ERBB4: variants seen among roughly 807,000 people sequenced by gnomAD.
ERBB4 encodes erb-b2 receptor tyrosine kinase 4, also known as receptor tyrosine-protein kinase erbB-4.
Under a neutral mutation model 158.0 loss-of-function variants are expected in ERBB4, and 42 were observed. The observed-to-expected ratio is 0.27, with a 90% CI of 0.21 to 0.34. The LOEUF is 0.34. Ranked by LOEUF, ERBB4 falls within the 10% of genes least tolerant of loss-of-function variation. The probability of loss-of-function intolerance (pLI) is 1.00; values close to 1 mark genes in which losing one functional copy is unlikely to be tolerated. For synonymous variants in ERBB4, 583 were observed against 558.7 expected (o/e 1.04, Z -0.61); for missense variants, 1,333 against 1,624.1 (o/e 0.82, Z 3.08).
At chr2:211,569,690 G>C (rs2067656768) in intron 19 of ERBB4, among the ~76,000 whole-genome samples, 1 of 152,142 alleles carries the variant, frequency 6.6e-6, no homozygotes, top group East Asian at 1.9e-4. Flanking sequence ...CATGACCTAA[G>C]AGTCTGGCAT....
intron 16 of ERBB4, among the ~76,000 whole-genome samples, chr2:211,645,536 C>T (rs2070755238): frequency 6.6e-6 from 1 of 151,612 alleles, no homozygotes; most frequent in Non-Finnish European, 1.5e-5. Context: ...AATCAACAGA[C>T]TTTGGAAAAG....
At chr2:212,418,251 A>G (rs1469140512) in intron 1 of ERBB4, among the ~76,000 whole-genome samples, 1 of 151,980 alleles carries the variant, frequency 6.6e-6, no homozygotes, top group Non-Finnish European at 1.5e-5. Flanking sequence ...CTAAGTAAAA[A>G]TATCAATGGT....
chr2:211,717,751 C>T (rs975258293), intron 7 of ERBB4, among the ~76,000 whole-genome samples: 16 of 151,974 alleles, frequency 1.1e-4, no homozygotes, highest in African/African-American at 3.1e-4. Context: ...CGCTTGAACC[C>T]GGGAGGCGGA....
At chr2:211,635,423 G>C (rs1224717396) in intron 16 of ERBB4, among the ~76,000 whole-genome samples, 2 of 152,110 alleles carry the variant, frequency 1.3e-5, no homozygotes, top group East Asian at 3.8e-4. Flanking sequence ...TTTTATAAAA[G>C]AGCAGCATCT....
chr2:211,585,073 C>T lies in ERBB4; in HGVS notation c.2302-22985G>A, dbSNP rs540925003. On this transcript the variant is annotated intron_variant, in intron 19 of 27. Transcript: ENST00000342788. ...TAATAAAAAGACTTCCTTAGGCTGG[C>T]CGGGCGCAGTGGCTCATGCCTGTAA... Among the ~76,000 whole-genome samples the T allele has an allele frequency of 2.7e-4, 41 of 152,096 alleles. No homozygotes were observed. The South Asian group carries it at 4.4e-3, about 16-fold the overall frequency.
At chr2:211,565,935 G>A (rs188221665) in intron 19 of ERBB4, among the ~76,000 whole-genome samples, 2 of 152,274 alleles carry the variant, frequency 1.3e-5, no homozygotes, top group East Asian at 3.9e-4. Flanking sequence ...AAGTAAAAAA[G>A]ATACTTCAAT....
At chr2:211,622,697 G>T (rs1398394273) in intron 18 of ERBB4, among the ~76,000 whole-genome samples, 1 of 151,620 alleles carries the variant, frequency 6.6e-6, no homozygotes. Flanking sequence ...CGGGCATGGT[G>T]GCTCATGCCT....
rs181650918 is a variant in ERBB4, at chr2:212,523,768, C to G, written c.82+14681G>C. Among the ~76,000 whole-genome samples, 260 of 152,044 alleles carry G rather than the reference C, an allele frequency of 1.7e-3. 2 individuals are homozygous for G. Among genetic ancestry groups the G allele is most frequent in the Non-Finnish European group, 5.2e-4 (35 of 67,912 alleles). ...AAATCACAGAACTCAATCCTCACCC[C>G]CAACATTGTGGACCAGTTGTTCCTC... On this transcript the variant is annotated intron_variant, in intron 1 of 27. Coordinates refer to ENST00000342788, the MANE Select transcript of ERBB4 (RefSeq NM_005235.3).
chr2:211,396,062 T>G (rs2062909707), intron 25 of ERBB4, among the ~76,000 whole-genome samples: 1 of 152,032 alleles, frequency 6.6e-6, no homozygotes, highest in Non-Finnish European at 1.5e-5. Context: ...TGCCATAACT[T>G]TAGAATTTGA....
intron 17 of ERBB4, among the ~76,000 whole-genome samples, chr2:211,629,450 T>A (rs1320590568): frequency 6.6e-6 from 1 of 152,012 alleles, no homozygotes; most frequent in African/African-American, 2.4e-5. Flanking sequence ...AGAATCAATA[T>A]CGTGAAAATG....
chr2:212,413,031 G>C (rs1309155019), intron 1 of ERBB4, among the ~76,000 whole-genome samples: 1 of 150,968 alleles, frequency 6.6e-6, no homozygotes, highest in African/African-American at 2.4e-5. Flanking sequence ...GCAGTGGTGC[G>C]ATCTCGGCTC....
At chr2:212,003,249 GAAGGAAGGAAAGAGAGAGA>G in intron 2 of ERBB4, among the ~76,000 whole-genome samples, 1 of 116,972 alleles carries the variant, frequency 8.5e-6, no homozygotes. Flanking sequence ...AGGAAGGAAG[GAAGGAAGGAAAGAGAGAGA>G]AAGACAATAC....
At chr2:211,782,715 C>A (rs1388579695) in intron 4 of ERBB4, among the ~76,000 whole-genome samples, 1 of 152,152 alleles carries the variant, frequency 6.6e-6, no homozygotes, top group East Asian at 1.9e-4. Flanking sequence ...GGGCTCTGTT[C>A]TGTTCCATTG....
At chr2:211,497,216 C>T (rs1369711842) in intron 20 of ERBB4, among the ~76,000 whole-genome samples, 1 of 151,982 alleles carries the variant, frequency 6.6e-6, no homozygotes, top group African/African-American at 2.4e-5. Flanking sequence ...ATTTCCATAA[C>T]TCAAACTTTG....
At chr2:212,074,740 C>T (rs1194076560) in intron 2 of ERBB4, among the ~76,000 whole-genome samples, 1 of 151,900 alleles carries the variant, frequency 6.6e-6, no homozygotes, top group Middle Eastern at 3.2e-3. Flanking sequence ...TATTTTCTTA[C>T]AACTAGACAC....
chr2:212,240,212 G>A (rs1226956577), intron 1 of ERBB4, among the ~76,000 whole-genome samples: 2 of 152,012 alleles, frequency 1.3e-5, no homozygotes, highest in Non-Finnish European at 2.9e-5. Flanking sequence ...CCAAAATATG[G>A]TACCTTGGCT....
intron 2 of ERBB4, among the ~76,000 whole-genome samples, chr2:212,051,410 G>T (rs1245448564): frequency 6.6e-6 from 1 of 152,078 alleles, no homozygotes; most frequent in Non-Finnish European, 1.5e-5. Flanking sequence ...TAAACATCAT[G>T]AACTCACATA....
At chr2:211,534,153 G>T (rs1574691572) in intron 20 of ERBB4, among the ~76,000 whole-genome samples, 1 of 152,066 alleles carries the variant, frequency 6.6e-6, no homozygotes, top group East Asian at 1.9e-4. Flanking sequence ...TTGCTACTGT[G>T]TAAGTAATTA....
chr2:212,125,197 A>G lies in ERBB4; in HGVS notation c.83-294T>C, dbSNP rs143473886. On this transcript the variant is annotated intron_variant, in intron 1 of 27. Coordinates refer to ENST00000342788, the MANE Select transcript of ERBB4 (RefSeq NM_005235.3). ...ATGACCATATAAAGCAAGTAAATAC[A>G]TTTACTTTTATTTAAACATTTTTTT... 783 of 245,020 alleles carry G rather than the reference A, an allele frequency of 3.2e-3. 6 individuals carry two copies. The highest frequency in any genetic ancestry group is 0.021 in the African/African-American group (713 of 34,350). 15.2% of individuals were successfully genotyped at this position (245,020 alleles called of 1,614,324 possible).
Sources: allele counts gnomAD v4.1 joint callset (sites outside exome capture counted in the v4.1 genomes callset), GRCh38; gene constraint gnomAD v4.1.1; transcripts MANE v1.5; gene names NCBI Gene and HGNC (gene_info 2026-07-23, HGNC 2026-07-21).